DCC: variants seen among roughly 807,000 people sequenced by gnomAD.
The protein encoded by DCC is DCC netrin 1 receptor.
Under a neutral mutation model 172.5 loss-of-function variants are expected in DCC, and 58 were observed. The ratio of observed to expected loss-of-function variants is 0.34; its 90% CI spans 0.27 to 0.42. The LOEUF is 0.42. DCC is among the 10% of genes least tolerant of loss of function. The pLI, the probability that DCC is intolerant of heterozygous loss-of-function variation, is 1.00. For missense variants in DCC, 1,740 were observed against 1,791.0 expected (o/e 0.97, Z 0.51); for synonymous variants, 709 against 644.5 (o/e 1.10, Z -1.52).
chr18:52,520,921 G>C (rs2031792769), intron 1 of DCC, among the ~76,000 whole-genome samples: 1 of 152,068 alleles, frequency 6.6e-6, no homozygotes, highest in African/African-American at 2.4e-5. Context: ...CTTACAAACA[G>C]TTTTGGAAAT....
rs941716001 is a variant in DCC, at chr18:52,562,258, A to G, written c.92-189796A>G. 2.6e-5 allele frequency among the ~76,000 whole-genome samples: 4 copies of G among 152,270 alleles called. No homozygotes were observed. In the East Asian group the frequency reaches 7.7e-4, roughly 29 times the overall value. On this transcript the variant is annotated intron_variant, in intron 1 of 28. Transcript: ENST00000442544. ...CTAAAGGAGGGGAAGAGTTTTGGAA[A>G]GTGCTATATGAACCGACATTCTTTA...
At chr18:52,598,328 A>C (rs1235439782) in intron 1 of DCC, among the ~76,000 whole-genome samples, 1 of 152,190 alleles carries the variant, frequency 6.6e-6, no homozygotes, top group African/African-American at 2.4e-5. Flanking sequence ...TTTTTCATTC[A>C]AGACCCCTGA....
At chr18:52,551,526 A>T (rs2032770082) in intron 1 of DCC, among the ~76,000 whole-genome samples, 1 of 152,048 alleles carries the variant, frequency 6.6e-6, no homozygotes, top group African/African-American at 2.4e-5. Flanking sequence ...CAACAAGATT[A>T]AAAGCATTTC....
chr18:52,738,428 T>G (rs1599061937), intron 1 of DCC, among the ~76,000 whole-genome samples: 1 of 152,132 alleles, frequency 6.6e-6, no homozygotes, highest in Non-Finnish European at 1.5e-5. Flanking sequence ...TTACTGTAGG[T>G]AACATGATGG....
chr18:52,478,985 G>A (rs1245096009), intron 1 of DCC, among the ~76,000 whole-genome samples: 4 of 152,102 alleles, frequency 2.6e-5, no homozygotes, highest in Admixed American at 6.5e-5. Flanking sequence ...GCTGGCATGG[G>A]AATGAAACTT....
At chr18:52,764,732 T>G (rs960575919) in intron 2 of DCC, among the ~76,000 whole-genome samples, 5 of 152,226 alleles carry the variant, frequency 3.3e-5, no homozygotes, top group Admixed American at 1.3e-4. Context: ...TTATAAGTTA[T>G]CCAACCTCAG....
rs1461757485 is a variant in DCC, at chr18:53,459,430, A to G, written c.3591A>G (p.Gln1197=). 5.0e-6 allele frequency: 8 copies of G among 1,612,994 alleles called. No homozygotes were observed. Among genetic ancestry groups the G allele is most frequent in the East Asian group, 2.2e-5 (1 of 44,848 alleles). ...TPVSHSQSET[Q]LGSKSTSHSG... is the part of the protein sequence containing the mutation. ...TCAGCCACAGCCAGTCAGAAACCCAACTGGGAAGCAAAAGCACCTCTCATT... is the reference window on the plus strand; with the variant it reads ...TCAGCCACAGCCAGTCAGAAACCCAGCTGGGAAGCAAAAGCACCTCTCATT... The change falls in exon 24 of 29, where the codon CAA becomes CAG. Residue 1197 remains glutamine (Q), a synonymous_variant. Coordinates refer to ENST00000442544, the MANE Select transcript of DCC (RefSeq NM_005215.4).
intron 12 of DCC, among the ~76,000 whole-genome samples, chr18:53,226,718 A>G (rs1024746611): frequency 2.6e-5 from 4 of 151,842 alleles, no homozygotes; most frequent in Admixed American, 6.6e-5. Flanking sequence ...CAAAAAACAA[A>G]CAAAAAAGCC....
At chr18:53,432,928 T>G (rs977649633) in intron 21 of DCC, among the ~76,000 whole-genome samples, 3 of 152,082 alleles carry the variant, frequency 2.0e-5, no homozygotes, top group Admixed American at 6.6e-5. Flanking sequence ...GTTTTGTGGT[T>G]TTTTGGCTGA....
chr18:52,875,618 G>A (rs187409597), intron 2 of DCC, among the ~76,000 whole-genome samples: 174 of 152,304 alleles, frequency 1.1e-3, no homozygotes, highest in East Asian at 8.5e-3. Flanking sequence ...TGCTGAAGGC[G>A]ACTGCTGATT....
chr18:53,452,387 C>T (rs900926096), intron 23 of DCC, among the ~76,000 whole-genome samples: 2 of 152,178 alleles, frequency 1.3e-5, no homozygotes, highest in Admixed American at 1.3e-4. Flanking sequence ...GGGTTCCCCC[C>T]CGCCCCGTGT....
intron 19 of DCC, among the ~76,000 whole-genome samples, chr18:53,408,042 A>C (rs936823636): frequency 6.6e-6 from 1 of 152,152 alleles, no homozygotes; most frequent in Non-Finnish European, 1.5e-5. Flanking sequence ...TCAACATCTC[A>C]AGATATTCAT....
At chr18:53,079,483 A>G (rs1482280477) in intron 7 of DCC, among the ~76,000 whole-genome samples, 3 of 152,154 alleles carry the variant, frequency 2.0e-5, no homozygotes, top group Non-Finnish European at 4.4e-5. Context: ...AAAACCTCAT[A>G]CTAATGATGT....
intron 13 of DCC, among the ~76,000 whole-genome samples, chr18:53,310,457 TAGAC>T (rs1568047028): frequency 1.3e-5 from 2 of 152,118 alleles, no homozygotes; most frequent in Non-Finnish European, 2.9e-5. Context: ...TTCTATTTGT[TAGAC>T]AGGTGTTTTT....
intron 2 of DCC, among the ~76,000 whole-genome samples, chr18:52,764,760 T>C (rs769699703): frequency 6.6e-6 from 1 of 152,212 alleles, no homozygotes; most frequent in Non-Finnish European, 1.5e-5. Flanking sequence ...TTTATAGTAA[T>C]ACACATAGTC....
At chr18:53,529,038 T>TCTCACACACACA (rs1203799842) in intron 28 of DCC, among the ~76,000 whole-genome samples, 1 of 65,182 alleles carries the variant, frequency 1.5e-5, no homozygotes, top group East Asian at 4.5e-4. Context: ...TCTCTCTCTC[T>TCTCACACACACA]CACACACACA....
chr18:52,769,688 C>G (rs2037308852), intron 2 of DCC, among the ~76,000 whole-genome samples: 1 of 152,116 alleles, frequency 6.6e-6, no homozygotes, highest in Non-Finnish European at 1.5e-5. Context: ...AGACTTTCTT[C>G]TATGTTTTCT....
At chr18:52,587,581 A>G (rs940330014) in intron 1 of DCC, among the ~76,000 whole-genome samples, 1 of 152,132 alleles carries the variant, frequency 6.6e-6, no homozygotes, top group Admixed American at 6.5e-5. Flanking sequence ...CAGCCAAGCC[A>G]TTGGCTACAG....
chr18:53,470,283 C>G (rs1599186762), intron 25 of DCC, among the ~76,000 whole-genome samples: 1 of 152,304 alleles, frequency 6.6e-6, no homozygotes, highest in South Asian at 2.1e-4. Flanking sequence ...TAGCAAGAGT[C>G]TCCTTTGCTT....
Sources: gnomAD v4.1 joint callset for allele counts (sites outside exome capture counted in the v4.1 genomes callset) on GRCh38, gnomAD v4.1.1 for gene constraint, MANE v1.5 for transcripts, NCBI Gene and HGNC (gene_info 2026-07-23, HGNC 2026-07-21) for gene names.